Variants in TRPM3 observed in about 807,000 individuals in gnomAD.
TRPM3 encodes the protein transient receptor potential cation channel subfamily M member 3.
Under a neutral mutation model 181.2 loss-of-function variants are expected in TRPM3, and 77 were observed. That is an observed-to-expected ratio of 0.42 (90% CI 0.35 to 0.51). The LOEUF (loss-of-function observed/expected upper bound fraction) is 0.51, where lower values mean the gene tolerates loss of function less well. Among genes scored for constraint, TRPM3 ranks in the 20% least tolerant of loss-of-function variants. The pLI is 0.01. For synonymous variants in TRPM3, 745 were observed against 796.4 expected (o/e 0.94, Z 1.09); for missense variants, 1,759 against 2,196.7 (o/e 0.80, Z 3.98).
At chr9:70,677,987 C>A (rs530929282) in intron 9 of TRPM3, among the ~76,000 whole-genome samples, 11 of 151,286 alleles carry the variant, frequency 7.3e-5, no homozygotes, top group Admixed American at 2.0e-4. Context: ...ATGATAAGTC[C>A]CCACTTGGGG....
At chr9:70,857,864 A>G (rs1344850688) in intron 3 of TRPM3, among the ~76,000 whole-genome samples, 1 of 152,178 alleles carries the variant, frequency 6.6e-6, no homozygotes, top group Non-Finnish European at 1.5e-5. Context: ...GGACATAGGT[A>G]TTAGTGTGCT....
intron 1 of TRPM3, among the ~76,000 whole-genome samples, chr9:71,208,221 T>C (rs939785380): frequency 2.0e-5 from 3 of 152,180 alleles, no homozygotes; most frequent in South Asian, 2.1e-4. Flanking sequence ...CTGATAACAA[T>C]TGACACTCAC....
At chr9:70,690,755 T>A (rs10868875) in intron 8 of TRPM3, among the ~76,000 whole-genome samples, 1 of 151,902 alleles carries the variant, frequency 6.6e-6, no homozygotes, top group African/African-American at 2.4e-5. Context: ...AGACTCTTGA[T>A]AGGGATCCAA....
chr9:71,353,610 G>A (rs867930467), intron 1 of TRPM3, among the ~76,000 whole-genome samples: 7 of 152,134 alleles, frequency 4.6e-5, no homozygotes, highest in Non-Finnish European at 8.8e-5. Context: ...ATTAATGATA[G>A]AAAACACTTA....
chr9:70,624,196 C>G (rs1270087627), intron 14 of TRPM3, among the ~76,000 whole-genome samples: 1 of 152,088 alleles, frequency 6.6e-6, no homozygotes, highest in African/African-American at 2.4e-5. Context: ...AGCTGCATAC[C>G]TTAACAAACT....
chr9:71,202,426 G>C (rs2078865020), intron 1 of TRPM3, among the ~76,000 whole-genome samples: 1 of 152,060 alleles, frequency 6.6e-6, no homozygotes, highest in African/African-American at 2.4e-5. Context: ...TCTCTAAGTT[G>C]GGCCTTTCTG....
chr9:71,231,116 C>T (rs2081023086), intron 1 of TRPM3, among the ~76,000 whole-genome samples: 1 of 152,046 alleles, frequency 6.6e-6, no homozygotes, highest in South Asian at 2.1e-4. Flanking sequence ...AATTATGATC[C>T]CCTCAAAGAT....
intron 2 of TRPM3, among the ~76,000 whole-genome samples, chr9:70,863,905 G>C (rs979720293): frequency 1.3e-5 from 2 of 151,984 alleles, no homozygotes. Context: ...CTGTTGAATT[G>C]CCCATTCATA....
chr9:70,661,766 G>T (rs1220073731), intron 9 of TRPM3, among the ~76,000 whole-genome samples: 1 of 152,080 alleles, frequency 6.6e-6, no homozygotes, highest in East Asian at 1.9e-4. Flanking sequence ...ACTGCTGAAA[G>T]AAAGATAAGT....
At chr9:71,065,589 T>C (rs2061819544) in intron 1 of TRPM3, among the ~76,000 whole-genome samples, 1 of 152,190 alleles carries the variant, frequency 6.6e-6, no homozygotes, top group Admixed American at 6.5e-5. Flanking sequence ...TATTATTAAG[T>C]GAATTCATTA....
intron 1 of TRPM3, among the ~76,000 whole-genome samples, chr9:70,870,189 C>T (rs1001240916): frequency 1.3e-5 from 2 of 151,992 alleles, no homozygotes; most frequent in Non-Finnish European, 1.5e-5. Context: ...AAGCATAATA[C>T]TGGGAAACGA....
chr9:70,639,530 G>A (rs1370467889), intron 10 of TRPM3, among the ~76,000 whole-genome samples: 1 of 152,106 alleles, frequency 6.6e-6, no homozygotes, highest in Non-Finnish European at 1.5e-5. Flanking sequence ...CAACACCAGC[G>A]AAGTGTCAAA....
chr9:71,360,173 C>A (rs1427025365), intron 1 of TRPM3, among the ~76,000 whole-genome samples: 1 of 152,140 alleles, frequency 6.6e-6, no homozygotes. Context: ...GTTAGGTAAT[C>A]TCAAAGCTCC....
At chr9:70,672,339 G>T (rs2063129978) in intron 9 of TRPM3, among the ~76,000 whole-genome samples, 1 of 152,152 alleles carries the variant, frequency 6.6e-6, no homozygotes, top group African/African-American at 2.4e-5. Flanking sequence ...GGTTTTCTCA[G>T]TTAGCTGGGC....
At chr9:71,059,749 C>T (rs1031037748) in intron 1 of TRPM3, among the ~76,000 whole-genome samples, 1 of 152,072 alleles carries the variant, frequency 6.6e-6, no homozygotes, top group Non-Finnish European at 1.5e-5. Flanking sequence ...AGTCTCCAGC[C>T]TGTCAACCTG....
intron 1 of TRPM3, among the ~76,000 whole-genome samples, chr9:71,004,161 G>C (rs994770967): frequency 6.6e-6 from 1 of 152,222 alleles, no homozygotes; most frequent in East Asian, 1.9e-4. Context: ...CTGATCAGTG[G>C]AGAGGTCACA....
intron 22 of TRPM3, among the ~76,000 whole-genome samples, chr9:70,573,075 G>C (rs916773558): frequency 1.5e-4 from 23 of 151,988 alleles, no homozygotes; most frequent in African/African-American, 4.8e-4. Flanking sequence ...GAAATTAAAG[G>C]AACATAATTT....
chr9:71,243,682 G>T (rs980556207), intron 1 of TRPM3, among the ~76,000 whole-genome samples: 1 of 152,142 alleles, frequency 6.6e-6, no homozygotes, highest in African/African-American at 2.4e-5. Flanking sequence ...TATATTCACT[G>T]ATCACTTACT....
At chr9:71,182,860 C>T (rs1393809264) in intron 1 of TRPM3, among the ~76,000 whole-genome samples, 1 of 152,000 alleles carries the variant, frequency 6.6e-6, no homozygotes, top group East Asian at 1.9e-4. Flanking sequence ...TGGGCTTTCA[C>T]CATATTGGCC....
Sources: gnomAD v4.1 joint callset for allele counts (sites outside exome capture counted in the v4.1 genomes callset) on GRCh38, gnomAD v4.1.1 for gene constraint, MANE v1.5 for transcripts, NCBI Gene and HGNC (gene_info 2026-07-23, HGNC 2026-07-21) for gene names.